DYNC2I2: variants seen among roughly 807,000 people sequenced by gnomAD.
DYNC2I2 encodes dynein 2 intermediate chain 2, also known as cytoplasmic dynein 2 intermediate chain 2.
DYNC2I2 carries 39 observed loss-of-function variants against 52.0 expected under a neutral mutation model. The ratio of observed to expected loss-of-function variants is 0.75; its 90% CI spans 0.58 to 0.98. The LOEUF (loss-of-function observed/expected upper bound fraction) is 0.98. Ranked by LOEUF, DYNC2I2 falls within the 50% of genes least tolerant of loss-of-function variation. The pLI, the probability that DYNC2I2 is intolerant of heterozygous loss-of-function variation, is 0.00. For synonymous variants in DYNC2I2, 359 were observed against 321.1 expected (o/e 1.12, Z -1.26); for missense variants, 743 against 728.4 (o/e 1.02, Z -0.23).
rs1589432090 is a variant in DYNC2I2, at chr9:128,641,070, T to C, written c.187-131A>G. 9.3e-6 allele frequency: 13 copies of C among 1,396,432 alleles called. No homozygotes were observed. In the East Asian group the frequency reaches 3.3e-4, roughly 35 times the overall value. 86.5% of individuals were successfully genotyped at this position (1,396,432 alleles called of 1,614,324 possible). A position where few individuals can be genotyped will look rare whatever the true frequency, so the allele number is the denominator to read the frequency against. ...GTCTCAGGCTAGGGGCCTCTCTCAGTGAGGTCTTGGTTGGAGATGGCCCCT... is the reference window on the plus strand; with the variant it reads ...GTCTCAGGCTAGGGGCCTCTCTCAGCGAGGTCTTGGTTGGAGATGGCCCCT... On this transcript the variant is annotated intron_variant, in intron 1 of 8. Coordinates refer to ENST00000372715, the MANE Select transcript of DYNC2I2 (RefSeq NM_052844.4).
the DYNC2I2 span, among the ~76,000 whole-genome samples, chr9:128,664,307 T>C: frequency 6.6e-6 from 1 of 151,880 alleles, no homozygotes; most frequent in African/African-American, 2.4e-5. Flanking sequence ...GTCCTTGATG[T>C]CTCTGTTCAA....
the DYNC2I2 span, among the ~76,000 whole-genome samples, chr9:128,662,560 G>A: frequency 1.3e-5 from 2 of 151,460 alleles, no homozygotes; most frequent in African/African-American, 2.4e-5. Flanking sequence ...ACAGGCACCC[G>A]CCACCATTCA....
Position 128,636,331 on chromosome 9 carries a change from C to G in DYNC2I2, c.653G>C (p.Ser218Thr). ...GTGGAAGGCCAGACACAGGACAGCG[C>G]TGGGGACCTCCACCACGGCCGACGG... The part of the protein sequence containing the change: ...QQPSAVVEVP[S>T]AVLCLAFHPT... Residue 218 changes from serine to threonine, a missense_variant, in exon 4 of 9, where the codon AGC becomes ACC. Transcript: ENST00000372715. The G allele has an allele frequency of 6.3e-7, 1 of 1,598,242 alleles. No individual in the cohort carries two copies. Among genetic ancestry groups the G allele is most frequent in the Non-Finnish European group, 8.5e-7 (1 of 1,172,970 alleles).
the DYNC2I2 span, among the ~76,000 whole-genome samples, chr9:128,678,288 G>A: frequency 1.3e-5 from 2 of 151,382 alleles, no homozygotes; most frequent in African/African-American, 2.4e-5. Context: ...GGCTGGTCTC[G>A]AACTCCTGAC....
chr9:128,646,285 G>C (rs770733787), intron 1 of DYNC2I2, among the ~76,000 whole-genome samples: 1 of 152,064 alleles, frequency 6.6e-6, no homozygotes, highest in Non-Finnish European at 1.5e-5. Flanking sequence ...GTGTGATCTC[G>C]ACAACCTGTG....
At position 128,649,785 on chromosome 9, in the gene DYNC2I2, G is replaced by T. The variant is rs1175211415; in HGVS notation, c.186+6756C>A. Among the ~76,000 whole-genome samples the T allele has an allele frequency of 1.6e-4, 9 of 57,282 alleles. 1 individual carries two copies. The highest frequency in any genetic ancestry group is 3.1e-4 in the African/African-American group (9 of 28,582). The allele number at this position is 57,282 out of a possible 152,430, so 37.6% of individuals were successfully genotyped here. On this transcript the variant is annotated intron_variant, in intron 1 of 8. Coordinates refer to ENST00000372715, the MANE Select transcript of DYNC2I2 (RefSeq NM_052844.4). ...TGAGGTGGGCGGATCATGAGGTCAG[G>T]AGTTCAAGACCAGCCTAACCAACAT...
the DYNC2I2 span, chr9:128,684,108 C>A: frequency 2.1e-6 from 2 of 935,766 alleles, no homozygotes; most frequent in South Asian, 3.2e-5. Context: ...GACCCCTAAG[C>A]ACCCCCAAAG....
At chr9:128,656,432 CG>C in intron 1 of DYNC2I2, 108 bp downstream of exon 1, 1 of 939,890 alleles carries the variant, frequency 1.1e-6, no homozygotes, top group African/African-American at 1.9e-5. Flanking sequence ...CACGGTGGGA[CG>C]CCCGAACCCG....
rs1333566241 is a variant in DYNC2I2 at position 128,633,912 on chromosome 9, A to G, written c.1443T>C (p.Asp481=). Reference sequence around the variant, plus strand: ...ACTCCAGACAGTAGACAGGGCTTTCATCCTGGGTTTGCTTGATCAAAACTG... The same window carrying G: ...ACTCCAGACAGTAGACAGGGCTTTCGTCCTGGGTTTGCTTGATCAAAACTG... ...KPTVLIKQTQ[D]ESPVYCLEFN... is the part of the protein sequence containing the mutation. The change falls in exon 9 of 9, where the codon GAT becomes GAC. Residue 481 remains aspartate (D), a synonymous_variant. Coordinates refer to ENST00000372715, the MANE Select transcript of DYNC2I2 (RefSeq NM_052844.4). 3.7e-6 allele frequency: 6 copies of G among 1,613,188 alleles called. No individual in the cohort carries two copies. Among genetic ancestry groups the G allele is most frequent in the Non-Finnish European group, 3.4e-6 (4 of 1,180,040 alleles).
At chr9:128,645,652 A>G (rs1379034324) in intron 1 of DYNC2I2, among the ~76,000 whole-genome samples, 1 of 148,260 alleles carries the variant, frequency 6.7e-6, no homozygotes, top group Non-Finnish European at 1.5e-5. Flanking sequence ...AAGGTAAGCC[A>G]ATTAATATCC....
chr9:128,645,618 A>AC (rs1860602214), intron 1 of DYNC2I2, among the ~76,000 whole-genome samples: 1 of 8,976 alleles, frequency 1.1e-4, no homozygotes, highest in Non-Finnish European at 9.6e-4. Flanking sequence ...CTCCATCTCA[A>AC]AAAAAAAAAA....
At chr9:128,654,997 G>A (rs1000347105) in intron 1 of DYNC2I2, among the ~76,000 whole-genome samples, 1 of 152,014 alleles carries the variant, frequency 6.6e-6, no homozygotes, top group Non-Finnish European at 1.5e-5. Flanking sequence ...AGGAGGGAGA[G>A]ATGTCCGTCT....
chr9:128,683,754 C>A, the DYNC2I2 span: 60 of 638,246 alleles, frequency 9.4e-5, no homozygotes, highest in Non-Finnish European at 1.2e-4. Flanking sequence ...GTGTGTGTCC[C>A]ACTGTCATGT....
At chr9:128,682,939 G>A in the DYNC2I2 span, among the ~76,000 whole-genome samples, 1 of 150,412 alleles carries the variant, frequency 6.6e-6, no homozygotes, top group South Asian at 2.1e-4. Flanking sequence ...GCCTCCCAAA[G>A]TGCTGGGATT....
chr9:128,649,100 T>C (rs1472082498), intron 1 of DYNC2I2, among the ~76,000 whole-genome samples: 2 of 152,182 alleles, frequency 1.3e-5, no homozygotes, highest in Admixed American at 6.6e-5. Context: ...ATCGCGGTGA[T>C]GACTGTGCAC....
the DYNC2I2 span, among the ~76,000 whole-genome samples, chr9:128,668,054 A>G: frequency 4.0e-4 from 33 of 82,468 alleles, 2 homozygotes; most frequent in East Asian, 1.1e-3. Context: ...TCTGCCTCCC[A>G]GGTTCAAGCG....
At chr9:128,675,030 C>T in the DYNC2I2 span, among the ~76,000 whole-genome samples, 5 of 152,148 alleles carry the variant, frequency 3.3e-5, no homozygotes, top group African/African-American at 4.8e-5. Context: ...CCTTGCTTCA[C>T]TGTCAGCCTT....
the DYNC2I2 span, among the ~76,000 whole-genome samples, chr9:128,676,514 G>A: frequency 1.4e-3 from 199 of 145,812 alleles, no homozygotes; most frequent in Middle Eastern, 6.9e-3. Flanking sequence ...CAGGAAAAGT[G>A]AGGTCTTATG....
chr9:128,684,185 G>A, the DYNC2I2 span, among the ~76,000 whole-genome samples: 8 of 152,048 alleles, frequency 5.3e-5, no homozygotes, highest in Non-Finnish European at 8.8e-5. Context: ...CTGGGAGAAC[G>A]GGAGTGCACG....
Sources: allele counts gnomAD v4.1 joint callset (sites outside exome capture counted in the v4.1 genomes callset), GRCh38; gene constraint gnomAD v4.1.1; transcripts MANE v1.5; gene names NCBI Gene and HGNC (gene_info 2026-07-23, HGNC 2026-07-21).